The following DPYSL2 variants were observed in gnomAD, a reference collection of about 807,000 sequenced individuals.
DPYSL2 encodes dihydropyrimidinase-related protein 2.
In DPYSL2, 13 loss-of-function variants were observed where a neutral mutation model predicts 69.9. That is an observed-to-expected ratio of 0.19 (90% CI 0.12 to 0.30). The LOEUF (loss-of-function observed/expected upper bound fraction) is 0.30, where lower values mean the gene tolerates loss of function less well. Ranked by LOEUF, DPYSL2 falls within the 10% of genes least tolerant of loss-of-function variation. The pLI is 1.00. For missense variants in DPYSL2, 587 were observed against 918.9 expected (o/e 0.64, Z 4.67); for synonymous variants, 326 against 359.1 (o/e 0.91, Z 1.04).
intron 1 of DPYSL2, among the ~76,000 whole-genome samples, chr8:26,569,385 A>T (rs1373536632): frequency 6.7e-6 from 1 of 150,008 alleles, no homozygotes; most frequent in African/African-American, 2.5e-5. Context: ...AACAAAAAAA[A>T]ACCAAAGAAA....
At chr8:26,527,847 G>C (rs80151702) in intron 1 of DPYSL2, among the ~76,000 whole-genome samples, 4,140 of 141,544 alleles carry the variant, frequency 0.029, 201 homozygotes, top group African/African-American at 0.099. Flanking sequence ...CTGTCACCCA[G>C]GCTGGAGTAT....
chr8:26,608,369 G>A (rs1392867953), intron 3 of DPYSL2, among the ~76,000 whole-genome samples: 1 of 152,086 alleles, frequency 6.6e-6, no homozygotes, highest in Non-Finnish European at 1.5e-5. Flanking sequence ...CATTCTTTCT[G>A]GTGTTCCAGG....
Position 26,597,784 on chromosome 8 carries a change from T to A in DPYSL2, c.628+13801T>A, listed in dbSNP as rs951825946. On this transcript the variant is annotated intron_variant, in intron 3 of 13. Coordinates refer to ENST00000521913, the MANE Select transcript of DPYSL2 (RefSeq NM_001197293.3). The surrounding 1 kb of genome is among the most constrained non-coding windows in gnomAD (Gnocchi z 5.2). ...CCACCGCACCTGGCCTCTTTTTTTT[T>A]TTTTTTTTTTTGAGGGGCAGAGACA... 1.3e-5 allele frequency among the ~76,000 whole-genome samples: 2 copies of A among 151,676 alleles called. No homozygotes were observed. Among genetic ancestry groups the A allele is most frequent in the African/African-American group, 4.8e-5 (2 of 41,338 alleles).
At chr8:26,556,896 G>A (rs1800996632) in intron 1 of DPYSL2, among the ~76,000 whole-genome samples, 1 of 152,156 alleles carries the variant, frequency 6.6e-6, no homozygotes, top group African/African-American at 2.4e-5. Context: ...AGGGAAGAGA[G>A]CAGAGAGCCC....
intron 1 of DPYSL2, among the ~76,000 whole-genome samples, chr8:26,576,871 C>T (rs1036886949): frequency 6.6e-6 from 1 of 152,204 alleles, no homozygotes; most frequent in African/African-American, 2.4e-5. Context: ...GCGCTGGGAT[C>T]GCAGCAGCTG....
At chr8:26,630,181 T>G (rs1802734806) in intron 7 of DPYSL2, among the ~76,000 whole-genome samples, 1 of 152,244 alleles carries the variant, frequency 6.6e-6, no homozygotes, top group Non-Finnish European at 1.5e-5. Flanking sequence ...CATATGCGCT[T>G]GCACACACCT....
Position 26,609,805 on chromosome 8 carries a change from C to G in DPYSL2, c.629-14338C>G, listed in dbSNP as rs997296444. Among the ~76,000 whole-genome samples the G allele has an allele frequency of 6.6e-6, 1 of 152,184 alleles. No homozygotes were observed. The highest frequency in any genetic ancestry group is 1.5e-5 in the Non-Finnish European group (1 of 68,038). On this transcript the variant is annotated intron_variant, in intron 3 of 13. Coordinates refer to ENST00000521913, the MANE Select transcript of DPYSL2 (RefSeq NM_001197293.3). This position sits in a 1 kb window ranked among gnomAD's most constrained non-coding sequence, Gnocchi z 6.5. ...CCCTGCCACTCATTACTTCTCTGCA[C>G]TCTTTCTGTAATTTGTTCATCGCCT...
chr8:26,577,306 C>T (rs1801372866), intron 1 of DPYSL2: 1 of 247,896 alleles, frequency 4.0e-6, no homozygotes, highest in Non-Finnish European at 7.8e-6. Flanking sequence ...TGGCCGGGCC[C>T]TCCCCGCCGG....
At position 26,627,047 on chromosome 8, in the gene DPYSL2, A is replaced by G. The variant is rs1448382209; in HGVS notation, c.856-168A>G. On this transcript the variant is annotated intron_variant, in intron 5 of 13. Transcript: ENST00000521913. This position sits in a 1 kb window ranked among gnomAD's most constrained non-coding sequence, Gnocchi z 6.9. ...TTTCTGAGGGGTCTTTCTCCATCAA[A>G]TGTGGCCAGTAACATTGCCCTCATC... Among the ~76,000 whole-genome samples, 2 of 152,190 alleles carry G rather than the reference A, an allele frequency of 1.3e-5. No individual in the cohort carries two copies. The highest frequency in any genetic ancestry group is 2.4e-5 in the African/African-American group (1 of 41,442).
Position 26,605,421 on chromosome 8 carries a change from G to C in DPYSL2, c.629-18722G>C, listed in dbSNP as rs929535512. 2.0e-5 allele frequency among the ~76,000 whole-genome samples: 3 copies of C among 152,126 alleles called. No individual in the cohort carries two copies. The highest frequency in any genetic ancestry group is 2.1e-4 in the South Asian group (1 of 4,798). On this transcript the variant is annotated intron_variant, in intron 3 of 13. Coordinates refer to ENST00000521913, the MANE Select transcript of DPYSL2 (RefSeq NM_001197293.3). The surrounding 1 kb of genome is among the most constrained non-coding windows in gnomAD (Gnocchi z 4.1). ...TTGCCTCAGCCTCTCAAGTAGAGTAGCCAGGATTACATGCACCCACTACCA... is the reference window on the plus strand; with the variant it reads ...TTGCCTCAGCCTCTCAAGTAGAGTACCCAGGATTACATGCACCCACTACCA...
intron 1 of DPYSL2, among the ~76,000 whole-genome samples, chr8:26,538,997 C>T (rs1362524666): frequency 6.6e-6 from 1 of 152,198 alleles, no homozygotes; most frequent in African/African-American, 2.4e-5. Context: ...CTCCATCCCT[C>T]CCCCTTCTAG....
At chr8:26,577,953 A>G (rs1215000286) in intron 1 of DPYSL2, 1 of 1,250,778 alleles carries the variant, frequency 8.0e-7, no homozygotes. Context: ...TTATTGCTGT[A>G]GTTTATTTCC....
chr8:26,645,126 T>G (rs1025037000), intron 10 of DPYSL2, among the ~76,000 whole-genome samples: 1 of 152,056 alleles, frequency 6.6e-6, no homozygotes, highest in African/African-American at 2.4e-5. Context: ...CTGGGCCCAC[T>G]CCCAGGTTCA....
chr8:26,577,172 C>T (rs1434368515), intron 1 of DPYSL2: 2 of 446,562 alleles, frequency 4.5e-6, no homozygotes, highest in Non-Finnish European at 9.0e-6. Context: ...TTCCTGCAGC[C>T]CGGCGCCTCC....
chr8:26,530,300 C>T (rs887623659), intron 1 of DPYSL2, among the ~76,000 whole-genome samples: 3 of 152,296 alleles, frequency 2.0e-5, no homozygotes, highest in Non-Finnish European at 4.4e-5. Context: ...CACCCTGTGA[C>T]GCTGAGCACT....
chr8:26,634,428 C>CTTTTTTTTTT (rs55746168), intron 7 of DPYSL2, among the ~76,000 whole-genome samples: 3 of 91,170 alleles, frequency 3.3e-5, no homozygotes, highest in East Asian at 3.8e-4. Flanking sequence ...CCATGCCCAG[C>CTTTTTTTTTT]TTTTTTTTTT....
At chr8:26,518,497 G>A (rs553178566) in intron 1 of DPYSL2, among the ~76,000 whole-genome samples, 1 of 152,206 alleles carries the variant, frequency 6.6e-6, no homozygotes, top group Admixed American at 6.5e-5. Flanking sequence ...CCATTTTTAA[G>A]TGCAGCTCAG....
intron 1 of DPYSL2, among the ~76,000 whole-genome samples, chr8:26,522,749 C>T (rs1808409318): frequency 6.6e-6 from 1 of 152,038 alleles, no homozygotes; most frequent in Non-Finnish European, 1.5e-5. Flanking sequence ...AGATACTAGG[C>T]CCTTATCAGA....
At chr8:26,559,417 A>C (rs1408471908) in intron 1 of DPYSL2, among the ~76,000 whole-genome samples, 1 of 152,228 alleles carries the variant, frequency 6.6e-6, no homozygotes, top group African/African-American at 2.4e-5. Flanking sequence ...TTGCGAAAGA[A>C]ATGAGAGAGC....
Sources: gnomAD v4.1 joint callset for allele counts (sites outside exome capture counted in the v4.1 genomes callset) on GRCh38, gnomAD v4.1.1 for gene constraint, Gnocchi (gnomAD v3.1) non-coding constraint, MANE v1.5 for transcripts, NCBI Gene and HGNC (gene_info 2026-07-23, HGNC 2026-07-21) for gene names.